TRPC4: variants seen among roughly 807,000 people sequenced by gnomAD.
TRPC4 encodes short transient receptor potential channel 4.
In TRPC4, 49 loss-of-function variants were observed where a neutral mutation model predicts 99.4. The observed-to-expected ratio is 0.49, with a 90% CI of 0.39 to 0.63. TRPC4 has a LOEUF of 0.63. TRPC4 is among the 20% of genes least tolerant of loss of function. The pLI is 0.00. For synonymous variants in TRPC4, 454 were observed against 425.9 expected (o/e 1.07, Z -0.81); for missense variants, 898 against 1,152.9 (o/e 0.78, Z 3.20).
chr13:37,779,723 C>T (rs1333374), intron 2 of TRPC4, among the ~76,000 whole-genome samples: 1 of 151,716 alleles, frequency 6.6e-6, no homozygotes, highest in Non-Finnish European at 1.5e-5. Context: ...TCCAACATTT[C>T]TAACTAACTC....
intron 1 of TRPC4, chr13:37,854,842 C>T (rs1292969696): frequency 2.0e-5 from 3 of 151,728 alleles, no homozygotes; most frequent in Non-Finnish European, 4.4e-5. Flanking sequence ...GAAGAGAAGG[C>T]CACAAAGCAA....
intron 3 of TRPC4, among the ~76,000 whole-genome samples, chr13:37,721,579 C>A (rs1021299251): frequency 6.6e-6 from 1 of 152,064 alleles, no homozygotes; most frequent in Admixed American, 6.6e-5. Context: ...GTAGATTTGG[C>A]TGAACATTGC....
At chr13:37,840,107 A>T (rs1388020480) in intron 1 of TRPC4, among the ~76,000 whole-genome samples, 4 of 152,120 alleles carry the variant, frequency 2.6e-5, no homozygotes, top group Non-Finnish European at 4.4e-5. Context: ...TGGAAACTCC[A>T]GGAAGATATA....
intron 1 of TRPC4, among the ~76,000 whole-genome samples, chr13:37,828,147 C>T (rs1311594692): frequency 6.6e-6 from 1 of 152,184 alleles, no homozygotes; most frequent in African/African-American, 2.4e-5. Context: ...ATGGTGCGAG[C>T]ACCCACTGAC....
At chr13:37,786,344 A>AAGAG (rs902910537) in intron 1 of TRPC4, among the ~76,000 whole-genome samples, 7 of 148,432 alleles carry the variant, frequency 4.7e-5, no homozygotes, top group Non-Finnish European at 1.1e-4. Context: ...GTAGAGAAGA[A>AAGAG]AGAGAGAGAG....
At chr13:37,696,150 A>C (rs1396755994) in intron 3 of TRPC4, among the ~76,000 whole-genome samples, 3 of 152,168 alleles carry the variant, frequency 2.0e-5, no homozygotes, top group Non-Finnish European at 4.4e-5. Context: ...GCGCTTGTGC[A>C]GGGAAACTCC....
intron 1 of TRPC4, among the ~76,000 whole-genome samples, chr13:37,788,934 G>A (rs1301938920): frequency 1.3e-5 from 2 of 151,974 alleles, no homozygotes; most frequent in East Asian, 1.9e-4. Context: ...AGATTTCAAC[G>A]GCTCAGTAGC....
At chr13:37,817,558 A>G (rs1957893488) in intron 1 of TRPC4, among the ~76,000 whole-genome samples, 1 of 151,944 alleles carries the variant, frequency 6.6e-6, no homozygotes, top group Non-Finnish European at 1.5e-5. Flanking sequence ...AAAGAGCATG[A>G]ATAACCAAGG....
chr13:37,682,898 G>A (rs1199456376), intron 4 of TRPC4, among the ~76,000 whole-genome samples: 1 of 151,118 alleles, frequency 6.6e-6, no homozygotes, highest in Non-Finnish European at 1.5e-5. Flanking sequence ...AGGACTAGAG[G>A]CACATGTTAC....
intron 2 of TRPC4, among the ~76,000 whole-genome samples, chr13:37,778,213 T>C (rs1379039390): frequency 6.6e-6 from 1 of 152,068 alleles, no homozygotes; most frequent in Non-Finnish European, 1.5e-5. Flanking sequence ...CAGAGACTCT[T>C]GAGTTCCAGC....
At chr13:37,861,972 A>C (rs1959371633) in intron 1 of TRPC4, among the ~76,000 whole-genome samples, 2 of 151,494 alleles carry the variant, frequency 1.3e-5, no homozygotes, top group South Asian at 4.1e-4. Context: ...TTTTTTAAAA[A>C]GGAGGAATGT....
chr13:37,755,000 G>A (rs1309128818), intron 2 of TRPC4, among the ~76,000 whole-genome samples: 1 of 151,854 alleles, frequency 6.6e-6, no homozygotes, highest in Non-Finnish European at 1.5e-5. Flanking sequence ...TGTGTTTTTT[G>A]CCGTTAAAAG....
intron 5 of TRPC4, among the ~76,000 whole-genome samples, chr13:37,671,265 C>G (rs1029639560): frequency 6.6e-6 from 1 of 151,928 alleles, no homozygotes; most frequent in African/African-American, 2.4e-5. Context: ...ACAAATTAGC[C>G]TGAAAAAAAT....
chr13:37,715,963 C>G (rs953990279), intron 3 of TRPC4, among the ~76,000 whole-genome samples: 7 of 152,138 alleles, frequency 4.6e-5, no homozygotes, highest in African/African-American at 1.7e-4. Context: ...CCTCAGTGCC[C>G]CACTCCATTT....
intron 5 of TRPC4, among the ~76,000 whole-genome samples, chr13:37,669,496 C>T (rs185579476): frequency 6.8e-4 from 104 of 152,244 alleles, no homozygotes; most frequent in Admixed American, 4.8e-3. Flanking sequence ...AATCAAGATA[C>T]TCAAGAAAAC....
chr13:37,823,321 G>C (rs1490016152), intron 1 of TRPC4, among the ~76,000 whole-genome samples: 8 of 151,522 alleles, frequency 5.3e-5, no homozygotes, highest in African/African-American at 1.9e-4. Flanking sequence ...ATTGCTTTTG[G>C]TGTTTTAGAT....
At chr13:37,709,705 C>T (rs747847646) in intron 3 of TRPC4, among the ~76,000 whole-genome samples, 1 of 151,918 alleles carries the variant, frequency 6.6e-6, no homozygotes, top group Non-Finnish European at 1.5e-5. Context: ...TTTATATGTG[C>T]ATGTATCATG....
At chr13:37,653,355 T>G (rs1475899821) in intron 7 of TRPC4, among the ~76,000 whole-genome samples, 1 of 151,690 alleles carries the variant, frequency 6.6e-6, no homozygotes, top group East Asian at 1.9e-4. Context: ...TTTCCTCTTT[T>G]TCATGGTTTA....
intron 3 of TRPC4, among the ~76,000 whole-genome samples, chr13:37,700,677 T>A (rs1445970225): frequency 6.6e-6 from 1 of 152,178 alleles, no homozygotes; most frequent in Non-Finnish European, 1.5e-5. Context: ...AGGAAACTCA[T>A]TTCATAGCTT....
Sources: gnomAD v4.1 joint callset for allele counts (sites outside exome capture counted in the v4.1 genomes callset) on GRCh38, gnomAD v4.1.1 for gene constraint, MANE v1.5 for transcripts, NCBI Gene and HGNC (gene_info 2026-07-23, HGNC 2026-07-21) for gene names.